Variants in CLK2 observed in about 807,000 individuals in gnomAD.
The protein encoded by CLK2 is CDC like kinase 2.
Under a neutral mutation model 73.5 loss-of-function variants are expected in CLK2, and 12 were observed. The observed-to-expected ratio is 0.16, with a 90% CI of 0.10 to 0.26. The LOEUF is 0.26. CLK2 is among the 10% of genes least tolerant of loss of function. The pLI, the probability that CLK2 is intolerant of heterozygous loss-of-function variation, is 1.00. For synonymous variants in CLK2, 232 were observed against 237.9 expected (o/e 0.98, Z 0.23); for missense variants, 509 against 688.4 (o/e 0.74, Z 2.92).
At chr1:155,271,009 G>A (rs1292699435) in intron 1 of CLK2, 32 bp from the exon 2 acceptor site, 1 of 1,594,782 alleles carries the variant, frequency 6.3e-7, no homozygotes. Flanking sequence ...AAATAGGAAA[G>A]TTTCGAGTTT....
chr1:155,266,326 C>T (rs1402017719), intron 7 of CLK2, among the ~76,000 whole-genome samples: 1 of 152,208 alleles, frequency 6.6e-6, no homozygotes, highest in Non-Finnish European at 1.5e-5. Context: ...AGCTGAACTA[C>T]ATACTCTGTG....
Position 155,273,362 on chromosome 1 carries a change from C to A in CLK2, c.-162G>T, listed in dbSNP as rs907661682. Reference sequence around the variant, plus strand: ...CCCCGTTCCCGGGCTCCGCTTCAGTCCCGCCCGCCCCGGCTCCGTCCCCGC... The same window carrying A: ...CCCCGTTCCCGGGCTCCGCTTCAGTACCGCCCGCCCCGGCTCCGTCCCCGC... On this transcript the variant is annotated 5_prime_UTR_variant, in exon 1 of 13. Transcript: ENST00000368361. 1 of 151,128 alleles carries A rather than the reference C, an allele frequency of 6.6e-6. No homozygotes were observed. The highest frequency in any genetic ancestry group is 2.4e-5 in the African/African-American group (1 of 41,258). The allele number at this position is 151,128 out of a possible 1,614,324, so 9.4% of individuals were successfully genotyped here. A position where few individuals can be genotyped will look rare whatever the true frequency, so the allele number is the denominator to read the frequency against.
intron 12 of CLK2, chr1:155,263,739 T>A: frequency 1.0e-6 from 1 of 985,186 alleles, no homozygotes; most frequent in Non-Finnish European, 1.2e-6. Context: ...CTTTGATCTC[T>A]GGTTGTCTCA....
rs1169947644 is a variant in CLK2, at chr1:155,268,105, C to T, written c.576G>A (p.Leu192=). 3 of 1,614,026 alleles carry T rather than the reference C, an allele frequency of 1.9e-6. No homozygotes were observed. Among genetic ancestry groups the T allele is most frequent in the African/African-American group, 2.7e-5 (2 of 74,912 alleles). Reference sequence around the variant, plus strand: ...ACTTCTCCACATTCTTAATGATCTTCAGGGCAACTCGAGCCCCACCCCTGT... The same window carrying T: ...ACTTCTCCACATTCTTAATGATCTTTAGGGCAACTCGAGCCCCACCCCTGT... The part of the protein sequence containing the change: ...DHRRGGARVA[L]KIIKNVEKYK... Residue 192 remains leucine, a synonymous_variant, in exon 6 of 13, where the codon CTG becomes CTA. Transcript: ENST00000368361. The surrounding 1 kb of genome is among the most constrained non-coding windows in gnomAD (Gnocchi z 5.6).
Position 155,268,916 on chromosome 1 carries a change from A to C in CLK2, c.400-121T>G. Reference sequence around the variant, plus strand: ...GCCCAGCCAGGGGGGACAGACGATGATGGGGGACAGTGGAAGGGAACACGT... The same window carrying C: ...GCCCAGCCAGGGGGGACAGACGATGCTGGGGGACAGTGGAAGGGAACACGT... On this transcript the variant is annotated intron_variant, in intron 3 of 12. Coordinates refer to ENST00000368361, the MANE Select transcript of CLK2 (RefSeq NM_001294338.2). The surrounding 1 kb of genome is among the most constrained non-coding windows in gnomAD (Gnocchi z 5.6). The C allele has an allele frequency of 5.9e-6, 4 of 680,456 alleles. No homozygotes were observed. The highest frequency in any genetic ancestry group is 2.7e-5 in the East Asian group (1 of 37,104). 42.2% of individuals were successfully genotyped at this position (680,456 alleles called of 1,614,324 possible).
At chr1:155,263,605 G>T in intron 12 of CLK2, 1 of 984,982 alleles carries the variant, frequency 1.0e-6, no homozygotes. Context: ...CATAATCTTT[G>T]AAAGTTCTTT....
At position 155,266,765 on chromosome 1, in the gene CLK2, G is replaced by A. The variant is rs773477474; in HGVS notation, c.802C>T (p.Arg268Cys). The A allele has an allele frequency of 2.4e-5, 38 of 1,613,382 alleles. No homozygotes were observed. Among genetic ancestry groups the A allele is most frequent in the East Asian group, 6.7e-5 (3 of 44,834 alleles). Reference sequence around the variant, plus strand: ...TGGCACAGCTGGAAGGCCATGTGGCGCACTTGGTGGATGGGGTAGGGCAGG... The same window carrying A: ...TGGCACAGCTGGAAGGCCATGTGGCACACTTGGTGGATGGGGTAGGGCAGG... ...NYLPYPIHQVRHMAFQLCQAV... is the reference protein window; with the variant it reads ...NYLPYPIHQVCHMAFQLCQAV... Residue 268 changes from arginine to cysteine, a missense_variant, in exon 7 of 13, where the codon CGC (arginine) becomes TGC (cysteine). This residue lies in a region of CLK2 where 27 missense variants were observed against 30.5 expected (regional missense o/e 0.89). Coordinates refer to ENST00000368361, the MANE Select transcript of CLK2 (RefSeq NM_001294338.2).
intron 8 of CLK2, among the ~76,000 whole-genome samples, chr1:155,265,566 C>CAAAT (rs374400975): frequency 0.068 from 7,287 of 106,440 alleles, 207 homozygotes; most frequent in African/African-American, 0.075. Context: ...GACTCTGTCT[C>CAAAT]AAATAAATAA....
At chr1:155,265,435 C>T (rs913343109) in intron 8 of CLK2, among the ~76,000 whole-genome samples, 41 of 151,958 alleles carry the variant, frequency 2.7e-4, no homozygotes, top group Non-Finnish European at 5.9e-5. Flanking sequence ...GGCGTGGTGG[C>T]GGGTGCCTGT....
At chr1:155,263,919 G>A in intron 12 of CLK2, 31 bp downstream of exon 12, 1 of 1,596,068 alleles carries the variant, frequency 6.3e-7, no homozygotes, top group Non-Finnish European at 8.6e-7. Flanking sequence ...CTTCTGGACG[G>A]TGGGCACTAT....
chr1:155,263,750 A>G, intron 12 of CLK2, 200 bp downstream of exon 12: 1 of 984,842 alleles, frequency 1.0e-6, no homozygotes, highest in African/African-American at 1.7e-5. Context: ...GGTTGTCTCA[A>G]GGTTAGGCTG....
Position 155,268,760 on chromosome 1 carries a change from G to A in CLK2, c.435C>T (p.Asp145=). Reference sequence around the variant, plus strand: ...GGTAGATGAGGTGGCCCTCAGCGTCGTCCTCTACACTCTTGGCTCTCCGGC... The same window carrying A: ...GGTAGATGAGGTGGCCCTCAGCGTCATCCTCTACACTCTTGGCTCTCCGGC... ...HSSRRAKSVE[D]DAEGHLIYHV... Residue 145 remains aspartate (D), a synonymous_variant, in exon 4 of 13, where the codon GAC becomes GAT. Coordinates refer to ENST00000368361, the MANE Select transcript of CLK2 (RefSeq NM_001294338.2). The surrounding 1 kb of genome is among the most constrained non-coding windows in gnomAD (Gnocchi z 5.6). 2.5e-6 allele frequency: 4 copies of A among 1,613,022 alleles called. No homozygotes were observed. The highest frequency in any genetic ancestry group is 1.7e-4 in the Middle Eastern group (1 of 6,056).
Position 155,268,750 on chromosome 1 carries a change from C to T in CLK2, c.445G>A (p.Gly149Ser). The change falls in exon 4 of 13, where the codon GGC becomes AGC. Residue 149 changes from glycine to serine, a missense_variant. Physicochemically the swap from Gly to Ser is moderately conservative, Grantham distance 56 (BLOSUM62 0). Around this residue, in one of 6 missense-constraint regions of CLK2, gnomAD observed 76 missense variants for 126.4 expected, o/e 0.60. Coordinates refer to ENST00000368361, the MANE Select transcript of CLK2 (RefSeq NM_001294338.2). The surrounding 1 kb of genome is among the most constrained non-coding windows in gnomAD (Gnocchi z 5.6). ...RAKSVEDDAE[G>S]HLIYHVGDWL... ...TCCCCGACGTGGTAGATGAGGTGGC[C>T]CTCAGCGTCGTCCTCTACACTCTTG... The T allele has an allele frequency of 6.2e-7, 1 of 1,613,778 alleles. No homozygotes were observed. Among genetic ancestry groups the T allele is most frequent in the Non-Finnish European group, 8.5e-7 (1 of 1,179,942 alleles).
intron 1 of CLK2, among the ~76,000 whole-genome samples, chr1:155,272,562 C>T (rs1315781378): frequency 1.3e-5 from 2 of 152,156 alleles, no homozygotes; most frequent in African/African-American, 4.8e-5. Context: ...ATTCCGATGT[C>T]TGACCACCAT....
intron 7 of CLK2, among the ~76,000 whole-genome samples, chr1:155,266,440 G>C (rs1673236763): frequency 6.6e-6 from 1 of 152,162 alleles, no homozygotes; most frequent in South Asian, 2.1e-4. Context: ...TCTGACTGAT[G>C]CTTTCCCAAG....
chr1:155,265,061 T>G (rs1038820042), intron 8 of CLK2, among the ~76,000 whole-genome samples: 1 of 152,114 alleles, frequency 6.6e-6, no homozygotes, highest in African/African-American at 2.4e-5. Context: ...ACATGTAACA[T>G]GTAGCAAATG....
rs1185491557 is a variant in CLK2 at position 155,264,459 on chromosome 1, A to G, written c.1146+9T>C. 3 of 1,613,814 alleles carry G rather than the reference A, an allele frequency of 1.9e-6. No homozygotes were observed. The African/African-American group carries it at 4.0e-5, about 22-fold the overall frequency. On this transcript the variant is annotated intron_variant, in intron 10 of 12. Coordinates refer to ENST00000368361, the MANE Select transcript of CLK2 (RefSeq NM_001294338.2). The stretch of plus-strand genomic sequence containing the variant: ...GCCAGGCAGTCAAGTAAGACATCCC[A>G]TCACTTACCTGGAAGAGGGTGAATC...
rs898015438 is a variant in CLK2, at chr1:155,268,286, C to T, written c.554+7G>A. ...GCCCCACATAGTAGGGAGGGACTGA[C>T]AGTTACCTGCGATGGTCAACACATT... On this transcript the variant is annotated splice_region_variant and intron_variant, in intron 5 of 12. Transcript: ENST00000368361. This position sits in a 1 kb window ranked among gnomAD's most constrained non-coding sequence, Gnocchi z 5.6. The T allele has an allele frequency of 6.2e-7, 1 of 1,613,754 alleles. No homozygotes were observed. The highest frequency in any genetic ancestry group is 8.5e-7 in the Non-Finnish European group (1 of 1,179,726).
intron 1 of CLK2, among the ~76,000 whole-genome samples, chr1:155,271,889 C>T (rs536273862): frequency 6.6e-6 from 1 of 152,244 alleles, no homozygotes; most frequent in East Asian, 1.9e-4. Flanking sequence ...TTAACTTAAT[C>T]ATCTCTCACA....
Sources: gnomAD v4.1 joint callset for allele counts (sites outside exome capture counted in the v4.1 genomes callset) on GRCh38, gnomAD v4.1.1 for gene constraint, gnomAD v4.1.1 regional missense constraint, Gnocchi (gnomAD v3.1) non-coding constraint, MANE v1.5 for transcripts, NCBI Gene and HGNC (gene_info 2026-07-23, HGNC 2026-07-21) for gene names.